The following BRSK1 variants were observed in gnomAD, a reference collection of about 807,000 sequenced individuals.
The protein encoded by BRSK1 is BR serine/threonine kinase 1, also known as serine/threonine-protein kinase BRSK1.
BRSK1 carries 17 observed loss-of-function variants against 86.2 expected under a neutral mutation model. That is an observed-to-expected ratio of 0.20 (90% CI 0.14 to 0.30). BRSK1 has a LOEUF of 0.30. BRSK1 is among the 10% of genes least tolerant of loss of function. The probability of loss-of-function intolerance (pLI) is 1.00; values close to 1 mark genes in which losing one functional copy is unlikely to be tolerated. For synonymous variants in BRSK1, 464 were observed against 440.1 expected (o/e 1.05, Z -0.68); for missense variants, 719 against 1,071.9 (o/e 0.67, Z 4.60).
rs757690260 is a variant in BRSK1, at chr19:55,289,629, G to A, written c.458+9G>A. 2.9e-5 allele frequency: 46 copies of A among 1,613,078 alleles called. 1 individual carries two copies. The South Asian group carries it at 4.9e-4, about 17-fold the overall frequency. On this transcript the variant is annotated intron_variant, in intron 4 of 18. Coordinates refer to ENST00000309383, the MANE Select transcript of BRSK1 (RefSeq NM_032430.2). ...CACAGCTACTCCATCTGGTGAGTGG[G>A]CAGCTTGAGGGGGAGGAGGGGCTGA... is the stretch of plus-strand genomic sequence containing the variant.
At chr19:55,285,114 G>A (rs8108395) in intron 1 of BRSK1, among the ~76,000 whole-genome samples, 16,081 of 149,552 alleles carry the variant, frequency 0.11, 979 homozygotes, top group African/African-American at 0.16. Context: ...GAGGGACTGC[G>A]GTCCTGGACT....
At position 55,293,551 on chromosome 19, in the gene BRSK1, A is replaced by G. The variant is rs550625317; in HGVS notation, c.459-466A>G. On this transcript the variant is annotated intron_variant, in intron 4 of 18. Coordinates refer to ENST00000309383, the MANE Select transcript of BRSK1 (RefSeq NM_032430.2). ...AATAAGGCTGGGTGCTGTGGTTCACACCTGTAATCCCAGCACTTTGAGAGG... is the reference window on the plus strand; with the variant it reads ...AATAAGGCTGGGTGCTGTGGTTCACGCCTGTAATCCCAGCACTTTGAGAGG... 5.3e-5 allele frequency among the ~76,000 whole-genome samples: 8 copies of G among 149,808 alleles called. No homozygotes were observed. In the South Asian group the frequency reaches 1.7e-3, roughly 32 times the overall value.
intron 18 of BRSK1, among the ~76,000 whole-genome samples, 178 bp downstream of exon 18, chr19:55,308,906 C>T (rs1335984583): frequency 1.3e-5 from 2 of 152,022 alleles, no homozygotes; most frequent in Admixed American, 1.3e-4. Flanking sequence ...GGACGCCCAG[C>T]TGGTGGGCTC....
At chr19:55,297,392 A>C (rs11671738) in intron 7 of BRSK1, among the ~76,000 whole-genome samples, 18,013 of 152,112 alleles carry the variant, frequency 0.12, 1,224 homozygotes, top group Middle Eastern at 0.2. Flanking sequence ...AATGTCAGGC[A>C]CTGTTCTGAT....
chr19:55,286,823 G>T (rs573880791), intron 1 of BRSK1, among the ~76,000 whole-genome samples, 184 bp from the exon 2 acceptor site: 1 of 152,102 alleles, frequency 6.6e-6, no homozygotes, highest in East Asian at 1.9e-4. Context: ...CAGGAGGGAG[G>T]GGAAGGGTGG....
chr19:55,299,948 T>A (rs2122968729), intron 7 of BRSK1, among the ~76,000 whole-genome samples: 1 of 152,190 alleles, frequency 6.6e-6, no homozygotes, highest in African/African-American at 2.4e-5. Flanking sequence ...TCACCTCCCA[T>A]GAGTCTTTGT....
At chr19:55,292,744 G>T (rs2088427105) in intron 4 of BRSK1, among the ~76,000 whole-genome samples, 1 of 151,812 alleles carries the variant, frequency 6.6e-6, no homozygotes, top group Non-Finnish European at 1.5e-5. Flanking sequence ...TGAGGCAGGA[G>T]AATTGCTTGA....
intron 4 of BRSK1, among the ~76,000 whole-genome samples, chr19:55,291,714 G>A (rs1205773330): frequency 1.3e-5 from 2 of 152,064 alleles, no homozygotes; most frequent in Non-Finnish European, 2.9e-5. Flanking sequence ...TCAGACTTTG[G>A]GTAAAGCTTG....
rs1016087635 is a variant in BRSK1 at position 55,288,911 on chromosome 19, C to A, written c.318-569C>A. On this transcript the variant is annotated intron_variant, in intron 3 of 18. Coordinates refer to ENST00000309383, the MANE Select transcript of BRSK1 (RefSeq NM_032430.2). ...GAAGTGGGGGTTTTTAACTTCTAGG[C>A]GCTGATGGGAGTTGTCGTCTATTGC... Among the ~76,000 whole-genome samples, 3 of 152,086 alleles carry A rather than the reference C, an allele frequency of 2.0e-5. 1 individual carries two copies. Among genetic ancestry groups the A allele is most frequent in the South Asian group, 4.1e-4 (2 of 4,822 alleles).
intron 7 of BRSK1, among the ~76,000 whole-genome samples, chr19:55,300,047 T>G (rs1260673288): frequency 3.3e-5 from 5 of 152,176 alleles, no homozygotes; most frequent in African/African-American, 1.2e-4. Context: ...TTCGCTTGTT[T>G]GTTTCCTGTC....
At position 55,305,277 on chromosome 19, in the gene BRSK1, T is replaced by C. The variant is rs765565408; in HGVS notation, c.1718-44T>C. The C allele has an allele frequency of 6.8e-6, 11 of 1,611,022 alleles. No homozygotes were observed. The Admixed American group carries it at 1.8e-4, about 27-fold the overall frequency. On this transcript the variant is annotated intron_variant, in intron 14 of 18. Coordinates refer to ENST00000309383, the MANE Select transcript of BRSK1 (RefSeq NM_032430.2). ...CAGGCCTGTGTGCTGGCAACTGGGA[T>C]GATGCACAGGTGTTGACCACGTTCT...
chr19:55,302,423 T>C lies in BRSK1; in HGVS notation c.857+255T>C. ...GGGACTGGGGGCCTGGACTCCTGGATCCGAGGGAGGAGGGGCTGGGGGCCT... is the reference window on the plus strand; with the variant it reads ...GGGACTGGGGGCCTGGACTCCTGGACCCGAGGGAGGAGGGGCTGGGGGCCT... On this transcript the variant is annotated intron_variant, in intron 9 of 18. Transcript: ENST00000309383. This position sits in a 1 kb window ranked among gnomAD's most constrained non-coding sequence, Gnocchi z 6.3. The C allele has an allele frequency of 1.7e-6, 1 of 603,034 alleles. No homozygotes were observed. The highest frequency in any genetic ancestry group is 2.0e-5 in the South Asian group (1 of 49,004). 37.4% of individuals were successfully genotyped at this position (603,034 alleles called of 1,614,324 possible). A position where few individuals can be genotyped will look rare whatever the true frequency, so the allele number is the denominator to read the frequency against.
At chr19:55,307,599 CTT>C (rs978889084) in intron 17 of BRSK1, among the ~76,000 whole-genome samples, 14 of 143,946 alleles carry the variant, frequency 9.7e-5, no homozygotes, top group African/African-American at 3.1e-4. Context: ...AATTTTAAGA[CTT>C]TTTCTGAGGC....
chr19:55,286,692 CACGG>C lies in BRSK1; in HGVS notation c.137-314_137-311del, dbSNP rs879787815. On this transcript the variant is annotated intron_variant, in intron 1 of 18. Coordinates refer to ENST00000309383, the MANE Select transcript of BRSK1 (RefSeq NM_032430.2). ...CTTGGAGGAGACAGACTCGGGGAGACACGGTGAGGAAAGAATGCGTGGCAGGCGG... is the reference window on the plus strand; with the variant it reads ...CTTGGAGGAGACAGACTCGGGGAGACTGAGGAAAGAATGCGTGGCAGGCGG... Among the ~76,000 whole-genome samples, 775 of 150,710 alleles carry C rather than the reference CACGG, an allele frequency of 5.1e-3. 6 individuals carry two copies. The highest frequency in any genetic ancestry group is 0.018 in the African/African-American group (752 of 40,916).
Position 55,312,095 on chromosome 19 carries a change from C to T in BRSK1, c.*27C>T. The T allele has an allele frequency of 3.8e-6, 4 of 1,039,178 alleles. No homozygotes were observed. The highest frequency in any genetic ancestry group is 1.8e-5 in the South Asian group (1 of 56,744). 64.4% of individuals were successfully genotyped at this position (1,039,178 alleles called of 1,614,324 possible). On this transcript the variant is annotated 3_prime_UTR_variant, in exon 19 of 19. Transcript: ENST00000309383. ...CCCACGGGGCCGGGGAGGGAGGGGACCCCCCTCCACCCCCCTTCCGTGCCC... is the reference window on the plus strand; with the variant it reads ...CCCACGGGGCCGGGGAGGGAGGGGATCCCCCTCCACCCCCCTTCCGTGCCC...
rs1355958794 is a variant in BRSK1, at chr19:55,305,329, G to T, written c.1726G>T (p.Ala576Ser). 2 of 1,613,954 alleles carry T rather than the reference G, an allele frequency of 1.2e-6. No individual in the cohort carries two copies. Among genetic ancestry groups the T allele is most frequent in the African/African-American group, 2.7e-5 (2 of 74,900 alleles). The change falls in exon 15 of 19, where the codon GCT (alanine) becomes TCT (serine). Residue 576 changes from alanine to serine, a missense_variant. Coordinates refer to ENST00000309383, the MANE Select transcript of BRSK1 (RefSeq NM_032430.2). ...FHRRKMQVPT[A>S]EEMSSLTPES... is the part of the protein sequence containing the mutation. ...TGCCTTCCCCCTACCAGTCCCTACCGCTGAGGAGATGTCCAGCTTGACGCC... is the reference window on the plus strand; with the variant it reads ...TGCCTTCCCCCTACCAGTCCCTACCTCTGAGGAGATGTCCAGCTTGACGCC...
intron 1 of BRSK1, among the ~76,000 whole-genome samples, chr19:55,285,669 G>A (rs1347402355): frequency 6.6e-6 from 1 of 152,236 alleles, no homozygotes; most frequent in Non-Finnish European, 1.5e-5. Flanking sequence ...TGGAAAGGGC[G>A]TTCATCCTCT....
rs2088775905 is a variant in BRSK1 at position 55,310,942 on chromosome 19, C to T, written c.2180-969C>T. Among the ~76,000 whole-genome samples the T allele has an allele frequency of 6.6e-6, 1 of 152,024 alleles. No individual in the cohort carries two copies. The highest frequency in any genetic ancestry group is 1.5e-5 in the Non-Finnish European group (1 of 67,982). On this transcript the variant is annotated intron_variant, in intron 18 of 18. Transcript: ENST00000309383. This position sits in a 1 kb window ranked among gnomAD's most constrained non-coding sequence, Gnocchi z 5.0. ...GCAGGCCTCCGAGTCACCGTGGTTGCTATGACAAGCCCCCCAGTTTTTGTT... is the reference window on the plus strand; with the variant it reads ...GCAGGCCTCCGAGTCACCGTGGTTGTTATGACAAGCCCCCCAGTTTTTGTT...
chr19:55,298,264 C>G (rs1262793931), intron 7 of BRSK1, among the ~76,000 whole-genome samples: 3 of 128,890 alleles, frequency 2.3e-5, no homozygotes, highest in South Asian at 4.6e-4. Flanking sequence ...TGCTCTGTAG[C>G]CCAGGCTGGA....
Sources: allele counts gnomAD v4.1 joint callset (sites outside exome capture counted in the v4.1 genomes callset), GRCh38; gene constraint gnomAD v4.1.1; non-coding constraint Gnocchi (gnomAD v3.1); transcripts MANE v1.5; gene names NCBI Gene and HGNC (gene_info 2026-07-23, HGNC 2026-07-21).